PPM1H: variants seen among roughly 807,000 people sequenced by gnomAD.
PPM1H encodes protein phosphatase 1H.
PPM1H carries 27 observed loss-of-function variants against 54.9 expected under a neutral mutation model. The ratio of observed to expected loss-of-function variants is 0.49; its 90% confidence interval spans 0.36 to 0.68. PPM1H has a LOEUF of 0.68. PPM1H is among the 30% of genes least tolerant of loss of function. PPM1H has a pLI of 0.00. For missense variants in PPM1H, 596 were observed against 667.8 expected, an observed-to-expected ratio of 0.89 and a Z score of 1.19; for synonymous variants, 305 against 270.8, an observed-to-expected ratio of 1.13 and a Z score of -1.24.
At chr12:62,720,038 C>A in intron 6 of PPM1H, 133 bp downstream of exon 6, 1 of 731,698 alleles carries the variant, frequency 1.4e-6, no homozygotes, top group Non-Finnish European at 2.3e-6. Flanking sequence ...AGGTGTACCC[C>A]CTTGTCTTTT....
intron 8 of PPM1H, among the ~76,000 whole-genome samples, chr12:62,685,867 C>G (rs1468199164): frequency 2.6e-5 from 4 of 152,042 alleles, no homozygotes; most frequent in South Asian, 2.1e-4. Flanking sequence ...AAACGTTACA[C>G]TATATCCCAT....
At chr12:62,904,556 G>A (rs1349559083) in intron 1 of PPM1H, among the ~76,000 whole-genome samples, 3 of 152,254 alleles carry the variant, frequency 2.0e-5, no homozygotes, top group South Asian at 2.1e-4. Context: ...TCTAAGAAAC[G>A]AAGAAACTGA....
chr12:62,788,378 T>A, intron 3 of PPM1H, 40 bp from the exon 4 acceptor site: 1 of 1,283,850 alleles, frequency 7.8e-7, no homozygotes, highest in East Asian at 2.5e-5. Flanking sequence ...TTGTGCAGGA[T>A]GTGTAGCAAA....
At chr12:62,818,360 A>C (rs1592615246) in intron 2 of PPM1H, among the ~76,000 whole-genome samples, 1 of 152,216 alleles carries the variant, frequency 6.6e-6, no homozygotes, top group Non-Finnish European at 1.5e-5. Flanking sequence ...TGATAAATAA[A>C]GACTCTTTAT....
chr12:62,797,242 A>T (rs1400839217), intron 3 of PPM1H, among the ~76,000 whole-genome samples: 1 of 152,188 alleles, frequency 6.6e-6, no homozygotes, highest in Non-Finnish European at 1.5e-5. Context: ...TGTGACACTC[A>T]GAATCTCCAG....
At chr12:62,670,221 C>A (rs1189008341) in intron 8 of PPM1H, among the ~76,000 whole-genome samples, 1 of 152,012 alleles carries the variant, frequency 6.6e-6, no homozygotes, top group Non-Finnish European at 1.5e-5. Flanking sequence ...AGGTGATCCA[C>A]CCACCTCGGC....
intron 3 of PPM1H, among the ~76,000 whole-genome samples, chr12:62,792,681 T>G (rs1360794273): frequency 6.6e-6 from 1 of 152,172 alleles, no homozygotes; most frequent in East Asian, 1.9e-4. Flanking sequence ...TAAAACCGTG[T>G]GCAACTAGAA....
intron 8 of PPM1H, among the ~76,000 whole-genome samples, chr12:62,673,715 C>CTTTGTTTTTTTTTTTT (rs2075969543): frequency 2.4e-5 from 1 of 41,960 alleles, no homozygotes; most frequent in Non-Finnish European, 4.8e-5. Flanking sequence ...AAGAGCCACT[C>CTTTGTTTTTTTTTTTT]TTTTTTTTTT....
At chr12:62,693,435 G>T (rs2076094347) in intron 7 of PPM1H, among the ~76,000 whole-genome samples, 1 of 152,158 alleles carries the variant, frequency 6.6e-6, no homozygotes, top group South Asian at 2.1e-4. Flanking sequence ...GCAAAGTCTG[G>T]ACTTCCATGG....
At chr12:62,693,174 T>C (rs999011953) in intron 7 of PPM1H, among the ~76,000 whole-genome samples, 4 of 152,152 alleles carry the variant, frequency 2.6e-5, no homozygotes, top group African/African-American at 9.7e-5. Context: ...TACTAGGAAA[T>C]AGATTCCAAG....
chr12:62,680,234 C>CTT (rs1555188512), intron 8 of PPM1H, among the ~76,000 whole-genome samples: 1 of 151,722 alleles, frequency 6.6e-6, no homozygotes, highest in African/African-American at 2.4e-5. Flanking sequence ...TTCTCTCTCT[C>CTT]TCTCTTTCTC....
chr12:62,705,901 A>C (rs1429355604), intron 6 of PPM1H, among the ~76,000 whole-genome samples: 1 of 152,228 alleles, frequency 6.6e-6, no homozygotes, highest in Non-Finnish European at 1.5e-5. Context: ...GTGGGGTGAA[A>C]ATAGCAAACA....
chr12:62,727,993 C>G (rs902662383), intron 5 of PPM1H, among the ~76,000 whole-genome samples: 35 of 151,890 alleles, frequency 2.3e-4, no homozygotes, highest in Non-Finnish European at 4.3e-4. Flanking sequence ...CCAGCCCACC[C>G]TCCGATTAAA....
intron 9 of PPM1H, among the ~76,000 whole-genome samples, chr12:62,664,917 A>C (rs2075908011): frequency 6.6e-6 from 1 of 151,112 alleles, no homozygotes; most frequent in African/African-American, 2.4e-5. Context: ...TAGCCAGCTG[A>C]AGATATAATC....
At chr12:62,922,760 T>C (rs1871840870) in intron 1 of PPM1H, among the ~76,000 whole-genome samples, 1 of 152,180 alleles carries the variant, frequency 6.6e-6, no homozygotes, top group African/African-American at 2.4e-5. Context: ...TTCCCTAAGC[T>C]GTTAGTGGAC....
At chr12:62,793,447 G>A (rs1345020200) in intron 3 of PPM1H, among the ~76,000 whole-genome samples, 2 of 151,936 alleles carry the variant, frequency 1.3e-5, no homozygotes, top group Non-Finnish European at 2.9e-5. Flanking sequence ...ACAGAGGGCC[G>A]GGCGCGGTGG....
At chr12:62,649,671 G>T (rs945053316) in intron 9 of PPM1H, among the ~76,000 whole-genome samples, 3 of 152,210 alleles carry the variant, frequency 2.0e-5, no homozygotes, top group Non-Finnish European at 4.4e-5. Flanking sequence ...GTTCACCAAA[G>T]AACCTCCTGA....
intron 9 of PPM1H, chr12:62,658,693 G>A: frequency 3.2e-6 from 1 of 314,352 alleles, no homozygotes; most frequent in Non-Finnish European, 6.1e-6. Context: ...TTAGCGCAAT[G>A]CATTTCCTAG....
At chr12:62,906,518 T>A (rs1871306304) in intron 1 of PPM1H, among the ~76,000 whole-genome samples, 1 of 152,218 alleles carries the variant, frequency 6.6e-6, no homozygotes, top group Non-Finnish European at 1.5e-5. Context: ...TTTAATAGTT[T>A]GAGCGCTAAA....
Sources: allele counts gnomAD v4.1 joint callset (sites outside exome capture counted in the v4.1 genomes callset), GRCh38; gene constraint gnomAD v4.1.1; transcripts MANE v1.5; gene names NCBI Gene and HGNC (gene_info 2026-07-23, HGNC 2026-07-21).